COLEC10: variants seen among roughly 807,000 people sequenced by gnomAD.
The protein encoded by COLEC10 is collectin-10.
In COLEC10, 22 loss-of-function variants were observed where a neutral mutation model predicts 28.4. The observed-to-expected ratio is 0.78, with a 90% confidence interval of 0.55 to 1.11. COLEC10 has a LOEUF of 1.11. Ranked by LOEUF, COLEC10 falls within the 50% of genes least tolerant of loss-of-function variation. COLEC10 has a pLI of 0.00. For synonymous variants in COLEC10, 125 were observed against 116.1 expected, an observed-to-expected ratio of 1.08 and a Z score of -0.49; for missense variants, 361 against 344.1, an observed-to-expected ratio of 1.05 and a Z score of -0.39.
chr8:118,974,169 A>C, the COLEC10 span, among the ~76,000 whole-genome samples: 4,412 of 151,754 alleles, frequency 0.029, 131 homozygotes, highest in East Asian at 0.17. Flanking sequence ...ACTCTTCTCT[A>C]TTTTTATTTT....
chr8:119,049,492 GCA>G (rs2130172921), intron 2 of COLEC10, among the ~76,000 whole-genome samples: 1 of 127,574 alleles, frequency 7.8e-6, no homozygotes, highest in African/African-American at 3.0e-5. Context: ...TGGGCTCACT[GCA>G]GGCTTCGCCT....
intron 2 of COLEC10, among the ~76,000 whole-genome samples, chr8:119,029,190 G>C (rs2130124078): frequency 6.6e-6 from 1 of 152,212 alleles, no homozygotes; most frequent in African/African-American, 2.4e-5. Flanking sequence ...TTTATGCAAG[G>C]GTATGTGAGA....
chr8:119,022,230 T>C (rs1328428096), intron 2 of COLEC10, among the ~76,000 whole-genome samples: 1 of 152,182 alleles, frequency 6.6e-6, no homozygotes, highest in Non-Finnish European at 1.5e-5. Flanking sequence ...TGTTCTGTGA[T>C]AATTTAAACA....
At position 119,089,737 on chromosome 8, in the gene COLEC10, G is replaced by T. The variant is rs200624515; in HGVS notation, c.206G>T (p.Arg69Leu). The T allele has an allele frequency of 6.2e-7, 1 of 1,613,180 alleles. No individual in the cohort carries two copies. The highest frequency in any genetic ancestry group is 8.5e-7 in the Non-Finnish European group (1 of 1,179,288). ...GEEGKHGKVGRMGPKGIKGEL... is the reference protein window; with the variant it reads ...GEEGKHGKVGLMGPKGIKGEL... ...GAGGGAAAGCATGGCAAAGTGGGAC[G>T]CATGGGGCCGAAAGGTAACTAAAAT... Residue 69 changes from arginine (R) to leucine (L), a missense_variant, in exon 2 of 6, where the codon CGC becomes CTC. By Grantham distance (102) the Arg-to-Leu change is moderately radical. Around this residue, in one of 3 missense-constraint regions of COLEC10, gnomAD observed 335 missense variants for 308.5 expected, o/e 1.09. Transcript: ENST00000332843.
chr8:118,999,785 G>A (rs1296543185), intron 1 of COLEC10, among the ~76,000 whole-genome samples: 2 of 152,146 alleles, frequency 1.3e-5, no homozygotes, highest in African/African-American at 4.8e-5. Flanking sequence ...GCTTTGGGAA[G>A]ATATAAAATG....
intron 1 of COLEC10, among the ~76,000 whole-genome samples, chr8:119,083,674 T>C (rs929530536): frequency 6.6e-5 from 10 of 152,190 alleles, no homozygotes. Flanking sequence ...TTTTCCCGGA[T>C]AGGAAACTAA....
At chr8:119,093,016 A>G (rs1362316267) in intron 3 of COLEC10, among the ~76,000 whole-genome samples, 1 of 152,224 alleles carries the variant, frequency 6.6e-6, no homozygotes, top group Non-Finnish European at 1.5e-5. Flanking sequence ...GTCTTGAAGA[A>G]TAGTAACATT....
intron 2 of COLEC10, among the ~76,000 whole-genome samples, chr8:119,015,849 G>T (rs1813982155): frequency 6.6e-6 from 1 of 152,090 alleles, no homozygotes; most frequent in Non-Finnish European, 1.5e-5. Flanking sequence ...CTTACATGCT[G>T]TACTAGAAAA....
intron 3 of COLEC10, among the ~76,000 whole-genome samples, chr8:119,100,717 T>C (rs1374189565): frequency 2.6e-5 from 4 of 152,190 alleles, no homozygotes; most frequent in African/African-American, 9.6e-5. Context: ...GACTATGTTA[T>C]CTCTCTGTTC....
chr8:119,028,104 C>T (rs77334747), intron 2 of COLEC10, among the ~76,000 whole-genome samples: 6,667 of 152,228 alleles, frequency 0.044, 211 homozygotes, highest in East Asian at 0.16. Flanking sequence ...ATTGTATTCA[C>T]CTACTTGTCT....
intron 5 of COLEC10, among the ~76,000 whole-genome samples, chr8:119,105,299 A>C (rs551491465): frequency 1.6e-4 from 24 of 152,266 alleles, no homozygotes; most frequent in African/African-American, 5.3e-4. Flanking sequence ...GGGCAATGGA[A>C]ACTCGGGAGA....
intron 1 of COLEC10, among the ~76,000 whole-genome samples, chr8:119,076,261 T>G (rs1271677560): frequency 8.2e-4 from 54 of 65,844 alleles, no homozygotes; most frequent in Non-Finnish European, 1.1e-3. Flanking sequence ...GACACAAAAT[T>G]CTTTTTTTTT....
chr8:118,973,751 T>C, the COLEC10 span, among the ~76,000 whole-genome samples: 1 of 152,034 alleles, frequency 6.6e-6, no homozygotes, highest in Non-Finnish European at 1.5e-5. Context: ...TACATTCTCT[T>C]ACTCTTTTTT....
the COLEC10 span, chr8:118,976,393 G>A: frequency 6.6e-6 from 1 of 152,090 alleles, no homozygotes; most frequent in Non-Finnish European, 1.5e-5. Context: ...TGGGATTAAA[G>A]AGTAGTCTCC....
At chr8:119,035,828 C>T (rs563932669) in intron 2 of COLEC10, among the ~76,000 whole-genome samples, 27 of 152,258 alleles carry the variant, frequency 1.8e-4, no homozygotes, top group African/African-American at 4.8e-4. Context: ...ATGTGTGGTT[C>T]GGCTTTTGAA....
chr8:119,077,573 G>C (rs1012740702), intron 1 of COLEC10, among the ~76,000 whole-genome samples: 55 of 152,110 alleles, frequency 3.6e-4, no homozygotes, highest in Non-Finnish European at 1.2e-4. Context: ...GGAGAGGGTA[G>C]AGCATGGAAT....
At chr8:118,955,665 A>G in the COLEC10 span, among the ~76,000 whole-genome samples, 6 of 152,244 alleles carry the variant, frequency 3.9e-5, no homozygotes, top group African/African-American at 1.4e-4. Context: ...ATATTGACAA[A>G]TGATGAACAC....
chr8:119,088,578 C>T (rs1815528682), intron 1 of COLEC10, among the ~76,000 whole-genome samples: 1 of 152,178 alleles, frequency 6.6e-6, no homozygotes, highest in South Asian at 2.1e-4. Context: ...TCATTTTTGT[C>T]TTTAGAAGGT....
upstream of COLEC10, among the ~76,000 whole-genome samples, chr8:119,064,799 A>AT (rs879273122): frequency 7.1e-3 from 1,037 of 146,418 alleles, 4 homozygotes; most frequent in African/African-American, 0.018. Context: ...TTTGTATTTG[A>AT]TTTTTTTTTT....
Sources: allele counts gnomAD v4.1 joint callset (sites outside exome capture counted in the v4.1 genomes callset), GRCh38; gene constraint gnomAD v4.1.1; regional missense constraint gnomAD v4.1.1; transcripts MANE v1.5; gene names NCBI Gene and HGNC (gene_info 2026-07-23, HGNC 2026-07-21).